PLXDC1: variants seen among roughly 807,000 people sequenced by gnomAD.
PLXDC1 encodes plexin domain-containing protein 1.
Under a neutral mutation model 61.3 loss-of-function variants are expected in PLXDC1, and 39 were observed. The observed-to-expected ratio is 0.64, with a 90% CI of 0.49 to 0.83. The LOEUF (loss-of-function observed/expected upper bound fraction) is 0.83. PLXDC1 is among the 40% of genes least tolerant of loss of function. The pLI, the probability that PLXDC1 is intolerant of heterozygous loss-of-function variation, is 0.00. For missense variants in PLXDC1, 596 were observed against 666.5 expected (o/e 0.89, Z 1.17); for synonymous variants, 212 against 254.5 (o/e 0.83, Z 1.59).
chr17:39,087,243 T>G (rs1183267977), intron 8 of PLXDC1, among the ~76,000 whole-genome samples: 1 of 152,214 alleles, frequency 6.6e-6, no homozygotes, highest in Non-Finnish European at 1.5e-5. Context: ...CCCGTCTAGT[T>G]CCTGGATCAC....
At position 39,089,315 on chromosome 17, in the gene PLXDC1, C is replaced by G. The variant is rs965372066; in HGVS notation, c.812-1613G>C. 6.6e-5 allele frequency among the ~76,000 whole-genome samples: 10 copies of G among 152,184 alleles called. No homozygotes were observed. The East Asian group carries it at 1.9e-3, about 29-fold the overall frequency. ...TGAGCTGGACCAATCAGAGACCTCC[C>G]CTGGGACTTTTCAACTGTAACCAAG... On this transcript the variant is annotated intron_variant, in intron 7 of 13. Transcript: ENST00000315392.
At chr17:39,079,069 G>C (rs373590035) in intron 10 of PLXDC1, 35 bp downstream of exon 10, 1 of 1,582,208 alleles carries the variant, frequency 6.3e-7, no homozygotes. Flanking sequence ...CCACCACCTG[G>C]CACAGGAGTT....
At chr17:39,118,521 G>A (rs1275882178) in intron 2 of PLXDC1, among the ~76,000 whole-genome samples, 1 of 152,078 alleles carries the variant, frequency 6.6e-6, no homozygotes, top group Non-Finnish European at 1.5e-5. Context: ...AATTTCTGAT[G>A]CTCCTGAAAC....
At chr17:39,114,308 G>A (rs889137332) in intron 2 of PLXDC1, among the ~76,000 whole-genome samples, 3 of 152,172 alleles carry the variant, frequency 2.0e-5, no homozygotes, top group East Asian at 1.9e-4. Flanking sequence ...CCACACAGTT[G>A]TCTGCCTCAG....
Position 39,078,043 on chromosome 17 carries a change from C to T in PLXDC1, c.1056G>A (p.Glu352=), listed in dbSNP as rs745884418. The T allele has an allele frequency of 4.4e-6, 7 of 1,605,346 alleles. No homozygotes were observed. In the East Asian group the frequency reaches 1.1e-4, roughly 26 times the overall value. Residue 352 remains glutamate (E), a synonymous_variant, in exon 11 of 14, where the codon GAG becomes GAA. Transcript: ENST00000315392. ...CCTGGAAGTCCTCGCACATCCTGCC[C>T]TCTGCCTGCAGGAGAGAGCCAGTGC... ...WMDYGCAQEA[E]GRMCEDFQDE...
chr17:39,097,044 C>A (rs1910234510), intron 7 of PLXDC1: 2 of 470,400 alleles, frequency 4.3e-6, no homozygotes, highest in Non-Finnish European at 8.8e-6. Flanking sequence ...TACCCTCTCC[C>A]CCAGGAGTGA....
At position 39,124,173 on chromosome 17, in the gene PLXDC1, C is replaced by T. The variant is rs151216804; in HGVS notation, c.256-14782G>A. 4.8e-3 allele frequency among the ~76,000 whole-genome samples: 724 copies of T among 152,360 alleles called. 8 individuals carry two copies. The highest frequency in any genetic ancestry group is 4.0e-3 in the Non-Finnish European group (272 of 68,040). On this transcript the variant is annotated intron_variant, in intron 2 of 13. Transcript: ENST00000315392. Reference sequence around the variant, plus strand: ...GGGCCCAACCCCAAGCCTGCTGAATCGGCATCTGCCTTTGGAAGCACTTCC... The same window carrying T: ...GGGCCCAACCCCAAGCCTGCTGAATTGGCATCTGCCTTTGGAAGCACTTCC...
At position 39,151,222 on chromosome 17, in the gene PLXDC1, G is replaced by T; in HGVS notation, c.76+140C>A. 2 of 580,470 alleles carry T rather than the reference G, an allele frequency of 3.4e-6. No individual in the cohort carries two copies. Among genetic ancestry groups the T allele is most frequent in the Non-Finnish European group, 5.1e-6 (2 of 392,092 alleles). The allele number at this position is 580,470 out of a possible 1,614,324, so 36.0% of individuals were successfully genotyped here. ...TGGGGTCCCTATCCACCTGCCCACA[G>T]CCCACAGCTCTCCTGGCCTCCTGCG... On this transcript the variant is annotated intron_variant, in intron 1 of 13. Transcript: ENST00000315392. This position sits in a 1 kb window ranked among gnomAD's most constrained non-coding sequence, Gnocchi z 5.2.
At chr17:39,123,819 G>A (rs902192268) in intron 2 of PLXDC1, among the ~76,000 whole-genome samples, 51 of 152,190 alleles carry the variant, frequency 3.4e-4, no homozygotes, top group African/African-American at 1.2e-3. Flanking sequence ...CTCTGGCTAA[G>A]CTGTCACAGT....
chr17:39,069,852 G>A lies in PLXDC1; in HGVS notation c.1383+4C>T, dbSNP rs777183083. The A allele has an allele frequency of 2.5e-6, 4 of 1,612,504 alleles. No individual in the cohort carries two copies. The highest frequency in any genetic ancestry group is 3.4e-6 in the Non-Finnish European group (4 of 1,178,872). The stretch of plus-strand genomic sequence containing the variant: ...GGAGCCCTGTGGCCACAGATGACAC[G>A]GACCTCGATGAAGAAGAGCGCAGCA... On this transcript the variant is annotated splice_donor_region_variant and intron_variant, in intron 13 of 13. Transcript: ENST00000315392.
chr17:39,070,146 A>G (rs12453656), intron 12 of PLXDC1, 130 bp from the exon 13 acceptor site: 102,589 of 602,332 alleles, frequency 0.17, 10,092 homozygotes, highest in Non-Finnish European at 0.2. Context: ...TATCCAATAC[A>G]GGAAGAGGTT....
At chr17:39,093,155 C>G (rs1910018511) in intron 7 of PLXDC1, among the ~76,000 whole-genome samples, 1 of 152,206 alleles carries the variant, frequency 6.6e-6, no homozygotes, top group African/African-American at 2.4e-5. Context: ...GCAGCCTTGG[C>G]TTCGTGGGCT....
At chr17:39,129,677 G>C (rs1597656656) in intron 2 of PLXDC1, among the ~76,000 whole-genome samples, 1 of 37,354 alleles carries the variant, frequency 2.7e-5, no homozygotes, top group Admixed American at 2.2e-4. Flanking sequence ...AAGAGAGAGA[G>C]AGGGAGAAAG....
At chr17:39,088,616 G>T (rs772544723) in intron 7 of PLXDC1, among the ~76,000 whole-genome samples, 2 of 152,162 alleles carry the variant, frequency 1.3e-5, no homozygotes, top group Non-Finnish European at 2.9e-5. Flanking sequence ...CAGGAACCAT[G>T]ACTTGGGGTT....
chr17:39,150,118 A>G (rs2144010589), intron 1 of PLXDC1, among the ~76,000 whole-genome samples: 1 of 152,240 alleles, frequency 6.6e-6, no homozygotes, highest in Non-Finnish European at 1.5e-5. Context: ...AGATGGCGGG[A>G]CTAGAAGCCA....
chr17:39,106,606 C>A (rs1301180973), intron 6 of PLXDC1, among the ~76,000 whole-genome samples: 17 of 151,880 alleles, frequency 1.1e-4, no homozygotes, highest in Admixed American at 1.1e-3. Context: ...TGAGCCACCA[C>A]CCTGGCTCAT....
At chr17:39,146,837 CAG>C (rs887297665) in intron 1 of PLXDC1, among the ~76,000 whole-genome samples, 43 of 144,828 alleles carry the variant, frequency 3.0e-4, no homozygotes, top group African/African-American at 1.0e-3. Flanking sequence ...GCCTGAACAA[CAG>C]AGTGAGACCC....
intron 2 of PLXDC1, among the ~76,000 whole-genome samples, chr17:39,135,782 C>T (rs1415042141): frequency 6.6e-6 from 1 of 151,706 alleles, no homozygotes; most frequent in Non-Finnish European, 1.5e-5. Flanking sequence ...GAAACAACAA[C>T]AACAACAACA....
Position 39,151,084 on chromosome 17 carries a change from GC to G in PLXDC1, c.76+277del, listed in dbSNP as rs2045369347. Among the ~76,000 whole-genome samples the G allele has an allele frequency of 6.6e-6, 1 of 152,118 alleles. No homozygotes were observed. The highest frequency in any genetic ancestry group is 2.1e-4 in the South Asian group (1 of 4,832). On this transcript the variant is annotated intron_variant, in intron 1 of 13. Coordinates refer to ENST00000315392, the MANE Select transcript of PLXDC1 (RefSeq NM_020405.5). This position sits in a 1 kb window ranked among gnomAD's most constrained non-coding sequence, Gnocchi z 5.2. ...CCGCTGTCCCCTTTCAGAGCCCATG[GC>G]CACATAGAGCCCCCTCTCCTAAGGT...
Sources: allele counts gnomAD v4.1 joint callset (sites outside exome capture counted in the v4.1 genomes callset), GRCh38; gene constraint gnomAD v4.1.1; non-coding constraint Gnocchi (gnomAD v3.1); transcripts MANE v1.5; gene names NCBI Gene and HGNC (gene_info 2026-07-23, HGNC 2026-07-21).